Variants in TUBE1 observed in about 807,000 individuals in gnomAD.
TUBE1 encodes tubulin epsilon 1.
Under a neutral mutation model 53.5 loss-of-function variants are expected in TUBE1, and 34 were observed. That is an observed-to-expected ratio of 0.64 (90% confidence interval 0.48 to 0.85). TUBE1 has a LOEUF of 0.85. Among genes scored for constraint, TUBE1 ranks in the 40% least tolerant of loss-of-function variants. The pLI is 0.00. For missense variants in TUBE1, 532 were observed against 570.5 expected (o/e 0.93, Z 0.69); for synonymous variants, 177 against 198.4 (o/e 0.89, Z 0.91).
chr6:112,086,580 C>G lies in TUBE1; in HGVS notation c.128G>C (p.Ser43Thr). Reference protein sequence around the residue: ...QKGIYDEAISSFFRNVDTRVV... With the variant: ...QKGIYDEAISTFFRNVDTRVV... ...CCTGGTGTCCACATTTCTAAAGAAG[C>G]TGCTTATTGCCTCATCATAAATTCC... Residue 43 changes from serine to threonine, a missense_variant, in exon 3 of 12, where the codon AGC (serine) becomes ACC (threonine). Ser to Thr is a moderately conservative substitution (Grantham distance 58). Transcript: ENST00000368662. 1 of 1,612,328 alleles carries G rather than the reference C, an allele frequency of 6.2e-7. No homozygotes were observed. Among genetic ancestry groups the G allele is most frequent in the Non-Finnish European group, 8.5e-7 (1 of 1,178,624 alleles).
At position 112,071,898 on chromosome 6, in the gene TUBE1, T is replaced by C. The variant is rs782581351; in HGVS notation, c.1269+4A>G. The stretch of plus-strand genomic sequence containing the variant: ...ATACAGTTACAAAGCTGTACAATAA[T>C]TACCTTTTTCTTGTAGAGCCTCATG... On this transcript the variant is annotated splice_donor_region_variant and intron_variant, in intron 11 of 11. Transcript: ENST00000368662. The C allele has an allele frequency of 2.5e-6, 4 of 1,593,234 alleles. No homozygotes were observed. Among genetic ancestry groups the C allele is most frequent in the Non-Finnish European group, 3.4e-6 (4 of 1,173,860 alleles).
intron 4 of TUBE1, 67 bp from the exon 5 acceptor site, chr6:112,081,274 A>C: frequency 1.2e-6 from 1 of 823,552 alleles, no homozygotes; most frequent in South Asian, 1.6e-5. Context: ...GTAAATGAAA[A>C]GAATTTATGC....
Position 112,084,171 on chromosome 6 carries a change from C to T in TUBE1, c.210+18G>A. On this transcript the variant is annotated intron_variant, in intron 4 of 11. Coordinates refer to ENST00000368662, the MANE Select transcript of TUBE1 (RefSeq NM_016262.5). Reference sequence around the variant, plus strand: ...AAAAAATACATGTAATATAAGAATCCAAGCATATGTATCTTACTCGTGCTT... The same window carrying T: ...AAAAAATACATGTAATATAAGAATCTAAGCATATGTATCTTACTCGTGCTT... 1 of 1,569,670 alleles carries T rather than the reference C, an allele frequency of 6.4e-7. No individual in the cohort carries two copies. The highest frequency in any genetic ancestry group is 8.8e-7 in the Non-Finnish European group (1 of 1,141,234).
intron 2 of TUBE1, chr6:112,086,886 T>TA (rs1777167910): frequency 2.0e-6 from 1 of 488,478 alleles, no homozygotes; most frequent in African/African-American, 2.0e-5. Flanking sequence ...GGATTCTTCG[T>TA]AATCTTTTTA....
At position 112,087,227 on chromosome 6, in the gene TUBE1, G is replaced by C; in HGVS notation, c.99+6C>G. ...GGCGAGGGGGCTCGCGGCGGCGGGC[G>C]GGTACCTGGTTGACCGCGGCGTGCT... On this transcript the variant is annotated splice_donor_region_variant and intron_variant, in intron 2 of 11. Transcript: ENST00000368662. 1 of 1,550,246 alleles carries C rather than the reference G, an allele frequency of 6.5e-7. No individual in the cohort carries two copies. Among genetic ancestry groups the C allele is most frequent in the Non-Finnish European group, 8.7e-7 (1 of 1,146,550 alleles).
rs1006042528 is a variant in TUBE1, at chr6:112,076,708, C to T, written c.449-199G>A. ...CCTCAGCCTCCCAAGTATCTGGGAC[C>T]GCAGGCATGAGCCACCACGCCTGGC... On this transcript the variant is annotated intron_variant, in intron 6 of 11. Transcript: ENST00000368662. The T allele has an allele frequency of 4.9e-5, 20 of 405,302 alleles. No homozygotes were observed. In the South Asian group the frequency reaches 9.1e-4, roughly 18 times the overall value. 25.1% of individuals were successfully genotyped at this position (405,302 alleles called of 1,614,324 possible).
rs1554316000 is a variant in TUBE1, at chr6:112,076,062, C to G, written c.687G>C (p.Lys229Asn). ...TCTTTGGCTTCACAGTTGTACCCAA[C>G]TTTCCAGAATTCACCATGAGGTCGA... Reference protein sequence around the residue: ...SKIDLMVNSGKLGTTVKPKSL... With the variant: ...SKIDLMVNSGNLGTTVKPKSL... The change falls in exon 8 of 12, where the codon AAG becomes AAC. Residue 229 changes from lysine (K) to asparagine (N), a missense_variant. Transcript: ENST00000368662. 3 of 1,613,640 alleles carry G rather than the reference C, an allele frequency of 1.9e-6. No individual in the cohort carries two copies. The highest frequency in any genetic ancestry group is 1.7e-6 in the Non-Finnish European group (2 of 1,179,846).
rs1554315578 is a variant in TUBE1 at position 112,072,875 on chromosome 6, G to C, written c.977C>G (p.Ala326Gly). 2 of 1,613,150 alleles carry C rather than the reference G, an allele frequency of 1.2e-6. No homozygotes were observed. The highest frequency in any genetic ancestry group is 2.2e-5 in the South Asian group (2 of 91,024). ...PRRLDQMFSD[A>G]FSKDHQLLRA... is the part of the protein sequence containing the mutation. The stretch of plus-strand genomic sequence containing the variant: ...AAGCAGCTGGTGATCTTTACTAAAG[G>C]CATCTGAAAACATCTGATCCAATCT... Residue 326 changes from alanine to glycine, a missense_variant, in exon 10 of 12, where the codon GCC becomes GGC. Ala to Gly is a moderately conservative substitution (Grantham distance 60, BLOSUM62 0). Coordinates refer to ENST00000368662, the MANE Select transcript of TUBE1 (RefSeq NM_016262.5).
chr6:112,075,830 CAG>C, intron 8 of TUBE1, 105 bp downstream of exon 8: 2 of 1,041,096 alleles, frequency 1.9e-6, no homozygotes, highest in Non-Finnish European at 2.7e-6. Flanking sequence ...AAAATAAAAA[CAG>C]AAGCAGCTTC....
rs1554315966 is a variant in TUBE1 at position 112,075,961 on chromosome 6, G to A, written c.788C>T (p.Ala263Val). 6.2e-7 allele frequency: 1 copy of A among 1,611,780 alleles called. No individual in the cohort carries two copies. The highest frequency in any genetic ancestry group is 8.5e-7 in the Non-Finnish European group (1 of 1,178,754). The change falls in exon 8 of 12, where the codon GCA becomes GTA. Residue 263 changes from alanine to valine, a missense_variant. Physicochemically the swap from Ala to Val is moderately conservative, Grantham distance 64. Transcript: ENST00000368662. ...KPFDAMNNIV[A>V]NLLLNLTSSA... ...CCTCGTTAGGTTGAGGAGCAAATTT[G>A]CCACAATGTTATTCATTGCATCAAA... is the stretch of plus-strand genomic sequence containing the variant.
chr6:112,079,827 A>G (rs1228654755), intron 5 of TUBE1, 73 bp from the exon 6 acceptor site: 17 of 1,421,624 alleles, frequency 1.2e-5, no homozygotes, highest in Non-Finnish European at 1.5e-5. Flanking sequence ...AATCTAAATA[A>G]AAGGATTTTA....
intron 3 of TUBE1, among the ~76,000 whole-genome samples, chr6:112,085,894 A>G (rs1196248195): frequency 1.3e-5 from 2 of 152,246 alleles, no homozygotes; most frequent in Non-Finnish European, 2.9e-5. Context: ...GAATTCACCC[A>G]GGAAGCGCGG....
chr6:112,086,517 T>TA (rs1304619285), intron 3 of TUBE1, 39 bp downstream of exon 3: 5 of 1,518,538 alleles, frequency 3.3e-6, no homozygotes, highest in East Asian at 2.3e-5. Flanking sequence ...TACTGAAACT[T>TA]AAAGTATCAC....
intron 9 of TUBE1, among the ~76,000 whole-genome samples, chr6:112,073,613 C>T (rs943420363): frequency 3.3e-5 from 5 of 152,232 alleles, no homozygotes; most frequent in South Asian, 2.1e-4. Context: ...CATGCAGAAA[C>T]GGAGTCCTAT....
chr6:112,086,026 G>A (rs1381203686), intron 3 of TUBE1, among the ~76,000 whole-genome samples: 1 of 152,180 alleles, frequency 6.6e-6, no homozygotes, highest in Non-Finnish European at 1.5e-5. Context: ...TTAAGCACAG[G>A]ACAGTTAGTT....
At chr6:112,085,271 T>G (rs1777130347) in intron 3 of TUBE1, 1 of 155,814 alleles carries the variant, frequency 6.4e-6, no homozygotes, top group African/African-American at 2.4e-5. Flanking sequence ...GAACAGATGC[T>G]GCATGTGTTG....
At chr6:112,071,648 C>A in intron 11 of TUBE1, 78 bp from the exon 12 acceptor site, 2 of 1,226,998 alleles carry the variant, frequency 1.6e-6, no homozygotes, top group Non-Finnish European at 2.2e-6. Context: ...GGTAAATATT[C>A]CTTATTAAAA....
chr6:112,084,071 G>T, intron 4 of TUBE1, 118 bp downstream of exon 4: 1 of 752,548 alleles, frequency 1.3e-6, no homozygotes, highest in Non-Finnish European at 2.2e-6. Context: ...TATATTAAAT[G>T]TGGCTTAGTA....
chr6:112,080,606 CA>C (rs2114488165), intron 5 of TUBE1, among the ~76,000 whole-genome samples: 1 of 152,156 alleles, frequency 6.6e-6, no homozygotes, highest in African/African-American at 2.4e-5. Flanking sequence ...GCAACAGTCT[CA>C]ATGTGAATTC....
Sources: gnomAD v4.1 joint callset for allele counts (sites outside exome capture counted in the v4.1 genomes callset) on GRCh38, gnomAD v4.1.1 for gene constraint, MANE v1.5 for transcripts, NCBI Gene and HGNC (gene_info 2026-07-23, HGNC 2026-07-21) for gene names.